Variants in UBE2E2 observed in about 807,000 individuals in gnomAD.
UBE2E2 encodes ubiquitin-conjugating enzyme E2 E2.
A neutral mutation model predicts 24.7 loss-of-function variants in UBE2E2; 6 were observed. That is an observed-to-expected ratio of 0.24 (90% CI 0.13 to 0.48). The LOEUF (loss-of-function observed/expected upper bound fraction) is 0.48, where lower values mean the gene tolerates loss of function less well. Among genes scored for constraint, UBE2E2 ranks in the 20% least tolerant of loss-of-function variants. The pLI is 0.99. For missense variants in UBE2E2, 169 were observed against 245.0 expected (o/e 0.69, Z 2.07); for synonymous variants, 104 against 83.6 (o/e 1.24, Z -1.33).
At chr3:23,398,741 G>A (rs1362817563) in intron 3 of UBE2E2, among the ~76,000 whole-genome samples, 3 of 152,040 alleles carry the variant, frequency 2.0e-5, no homozygotes, top group South Asian at 2.1e-4. Context: ...CAAGAAATTC[G>A]GAAGACAGGG....
At chr3:23,259,398 C>T (rs1697835471) in intron 3 of UBE2E2, among the ~76,000 whole-genome samples, 1 of 151,994 alleles carries the variant, frequency 6.6e-6, no homozygotes, top group African/African-American at 2.4e-5. Context: ...GAAAGCACTC[C>T]ATTGTTTGCT....
chr3:23,322,227 A>T (rs1311734517), intron 3 of UBE2E2, among the ~76,000 whole-genome samples: 2 of 152,208 alleles, frequency 1.3e-5, no homozygotes, highest in Admixed American at 6.5e-5. Flanking sequence ...CATCTCTTTC[A>T]TGAGTATTTA....
At chr3:23,320,798 G>A (rs34755696) in intron 3 of UBE2E2, among the ~76,000 whole-genome samples, 18 of 152,138 alleles carry the variant, frequency 1.2e-4, no homozygotes, top group Non-Finnish European at 2.2e-4. Context: ...CCCATCTCCT[G>A]TTAAGCTTTT....
At position 23,583,495 on chromosome 3, in the gene UBE2E2, G is replaced by A. The variant is rs143392533; in HGVS notation, c.509-6239G>A. Reference sequence around the variant, plus strand: ...TCATTGGTAGTTTGATAGAAATAGCGTTGCACCTGTAAATTGCTTTGGGCA... The same window carrying A: ...TCATTGGTAGTTTGATAGAAATAGCATTGCACCTGTAAATTGCTTTGGGCA... On this transcript the variant is annotated intron_variant, in intron 5 of 5. Transcript: ENST00000396703. The surrounding 1 kb of genome is among the most constrained non-coding windows in gnomAD (Gnocchi z 4.1). 2.0e-4 allele frequency among the ~76,000 whole-genome samples: 30 copies of A among 152,218 alleles called. No individual in the cohort carries two copies. Among genetic ancestry groups the A allele is most frequent in the Non-Finnish European group, 3.2e-4 (22 of 67,994 alleles).
intron 3 of UBE2E2, among the ~76,000 whole-genome samples, chr3:23,257,517 C>T (rs1316661657): frequency 0.024 from 515 of 21,584 alleles, 25 homozygotes; most frequent in African/African-American, 0.081. Flanking sequence ...CCCGTGCCCC[C>T]CCCCCCCCCC....
intron 5 of UBE2E2, among the ~76,000 whole-genome samples, chr3:23,559,307 A>G (rs1042847300): frequency 7.9e-5 from 12 of 152,014 alleles, no homozygotes; most frequent in African/African-American, 2.9e-4. Flanking sequence ...AAGCAATCTC[A>G]AAGTGTCACT....
At chr3:23,310,468 A>G (rs1694345479) in intron 3 of UBE2E2, among the ~76,000 whole-genome samples, 1 of 152,184 alleles carries the variant, frequency 6.6e-6, no homozygotes, top group East Asian at 1.9e-4. Flanking sequence ...ATAGAGAGGG[A>G]AAAGATATTA....
intron 3 of UBE2E2, among the ~76,000 whole-genome samples, chr3:23,240,446 T>C (rs768532002): frequency 1.3e-5 from 2 of 152,222 alleles, no homozygotes; most frequent in African/African-American, 4.8e-5. Context: ...AGTGTGCTTT[T>C]ACTATCAATA....
chr3:23,350,269 A>T (rs1362347145), intron 3 of UBE2E2, among the ~76,000 whole-genome samples: 5 of 152,196 alleles, frequency 3.3e-5, no homozygotes, highest in Admixed American at 3.3e-4. Context: ...AAGTAGATAA[A>T]ACCACAAAGA....
At chr3:23,575,270 G>T (rs1696322649) in intron 5 of UBE2E2, among the ~76,000 whole-genome samples, 1 of 152,080 alleles carries the variant, frequency 6.6e-6, no homozygotes, top group South Asian at 2.1e-4. Context: ...CTAACAGTAA[G>T]TCCAAGTGAT....
chr3:23,500,180 G>A (rs576438609), intron 4 of UBE2E2, among the ~76,000 whole-genome samples: 9 of 152,148 alleles, frequency 5.9e-5, no homozygotes, highest in South Asian at 4.1e-4. Context: ...CAGCTATGGA[G>A]GTTTGAGTTT....
At chr3:23,314,035 A>C (rs918429398) in intron 3 of UBE2E2, among the ~76,000 whole-genome samples, 1 of 152,216 alleles carries the variant, frequency 6.6e-6, no homozygotes, top group African/African-American at 2.4e-5. Context: ...AAAGGAAACT[A>C]ATAACTCTAA....
chr3:23,487,449 A>G (rs1699399068), intron 3 of UBE2E2, among the ~76,000 whole-genome samples: 1 of 152,198 alleles, frequency 6.6e-6, no homozygotes, highest in Non-Finnish European at 1.5e-5. Flanking sequence ...TGCCCCTGCC[A>G]GCTTCACAGA....
At chr3:23,343,885 T>C (rs1375852486) in intron 3 of UBE2E2, among the ~76,000 whole-genome samples, 1 of 152,232 alleles carries the variant, frequency 6.6e-6, no homozygotes, top group South Asian at 2.1e-4. Flanking sequence ...TATGTAGTTG[T>C]AGTTTATTCT....
chr3:23,573,401 A>G (rs551394690), intron 5 of UBE2E2, among the ~76,000 whole-genome samples: 1 of 152,322 alleles, frequency 6.6e-6, no homozygotes, highest in Admixed American at 6.5e-5. Flanking sequence ...GGCCAGAGAC[A>G]TCATAAGCTA....
In UBE2E2 at chr3:23,415,932, C is replaced by T. The variant is rs367631143; in HGVS notation, c.228-83676C>T. 1.2e-3 allele frequency among the ~76,000 whole-genome samples: 182 copies of T among 151,988 alleles called. 1 individual carries two copies. Among genetic ancestry groups the T allele is most frequent in the African/African-American group, 4.3e-3 (177 of 41,448 alleles). On this transcript the variant is annotated intron_variant, in intron 3 of 5. Transcript: ENST00000396703. ...CCGAGAGGCCCCAGTGTGTGATGTT[C>T]CCCTCCCTGTGTCCATGTGTTCTCA...
At chr3:23,327,397 T>C (rs939367402) in intron 3 of UBE2E2, among the ~76,000 whole-genome samples, 2 of 152,238 alleles carry the variant, frequency 1.3e-5, no homozygotes, top group East Asian at 1.9e-4. Context: ...CTCATTGTGG[T>C]TTTGATTTGC....
intron 3 of UBE2E2, among the ~76,000 whole-genome samples, chr3:23,247,633 T>G (rs1697449866): frequency 6.6e-6 from 1 of 152,118 alleles, no homozygotes; most frequent in Admixed American, 6.5e-5. Context: ...GGATTACAGG[T>G]GTGAGGTATT....
intron 3 of UBE2E2, among the ~76,000 whole-genome samples, chr3:23,304,098 A>G (rs1699179984): frequency 6.6e-6 from 1 of 152,146 alleles, no homozygotes; most frequent in South Asian, 2.1e-4. Flanking sequence ...AAGAATTGGC[A>G]TTTTATGTTG....
Sources: gnomAD v4.1 joint callset for allele counts (sites outside exome capture counted in the v4.1 genomes callset) on GRCh38, gnomAD v4.1.1 for gene constraint, Gnocchi (gnomAD v3.1) non-coding constraint, MANE v1.5 for transcripts, NCBI Gene and HGNC (gene_info 2026-07-23, HGNC 2026-07-21) for gene names.